Variants in ATP8A2 observed in about 807,000 individuals in gnomAD.
ATP8A2 encodes the protein phospholipid-transporting ATPase IB.
Under a neutral mutation model 165.6 loss-of-function variants are expected in ATP8A2, and 100 were observed. The observed-to-expected ratio is 0.60, with a 90% CI of 0.51 to 0.71. The LOEUF (loss-of-function observed/expected upper bound fraction) is 0.71. Ranked by LOEUF, ATP8A2 falls within the 30% of genes least tolerant of loss-of-function variation. ATP8A2 has a pLI of 0.00. For synonymous variants in ATP8A2, 543 were observed against 548.8 expected, an observed-to-expected ratio of 0.99 and a Z score of 0.15; for missense variants, 1,227 against 1,479.5, an observed-to-expected ratio of 0.83 and a Z score of 2.80.
At chr13:25,518,361 C>T (rs1007785436) in intron 2 of ATP8A2, among the ~76,000 whole-genome samples, 4 of 152,070 alleles carry the variant, frequency 2.6e-5, no homozygotes, top group East Asian at 1.9e-4. Flanking sequence ...CCGGTGGGGA[C>T]GCTTAAAGCC....
intron 13 of ATP8A2, among the ~76,000 whole-genome samples, chr13:25,556,705 A>G (rs1269754766): frequency 6.6e-6 from 1 of 152,060 alleles, no homozygotes; most frequent in Non-Finnish European, 1.5e-5. Flanking sequence ...CATACACCTT[A>G]TTCAAACCCA....
At chr13:25,909,147 A>G (rs1954033154) in intron 33 of ATP8A2, among the ~76,000 whole-genome samples, 1 of 152,184 alleles carries the variant, frequency 6.6e-6, no homozygotes, top group Non-Finnish European at 1.5e-5. Flanking sequence ...TCCAATTAGA[A>G]AGGAACAGTA....
At chr13:25,714,462 C>T (rs1474390518) in intron 25 of ATP8A2, among the ~76,000 whole-genome samples, 1 of 152,214 alleles carries the variant, frequency 6.6e-6, no homozygotes, top group East Asian at 1.9e-4. Context: ...GCATTTACCA[C>T]TACCTGACAT....
intron 24 of ATP8A2, among the ~76,000 whole-genome samples, chr13:25,674,055 C>G (rs1047799776): frequency 5.9e-5 from 9 of 152,184 alleles, no homozygotes; most frequent in African/African-American, 1.9e-4. Context: ...ATGGCTACAT[C>G]CTGCCATAAA....
intron 4 of ATP8A2, among the ~76,000 whole-genome samples, chr13:25,531,289 GAT>G (rs57228429): frequency 0.024 from 1,471 of 61,454 alleles, 37 homozygotes; most frequent in Non-Finnish European, 0.033. Context: ...TGTTATATAT[GAT>G]ATATATGTTA....
At chr13:25,663,090 G>A (rs976385930) in intron 24 of ATP8A2, among the ~76,000 whole-genome samples, 11 of 152,242 alleles carry the variant, frequency 7.2e-5, no homozygotes, top group African/African-American at 2.4e-4. Context: ...GGCTCTGCTT[G>A]GCAGATTTGA....
At chr13:25,460,652 T>C (rs1295091002) in intron 1 of ATP8A2, among the ~76,000 whole-genome samples, 1 of 152,202 alleles carries the variant, frequency 6.6e-6, no homozygotes, top group Non-Finnish European at 1.5e-5. Flanking sequence ...CCAGTGTATA[T>C]TGCTGTACTT....
At chr13:25,590,776 A>G (rs2040050792) in intron 24 of ATP8A2, among the ~76,000 whole-genome samples, 1 of 152,168 alleles carries the variant, frequency 6.6e-6, no homozygotes, top group African/African-American at 2.4e-5. Context: ...AGAGCTTTCT[A>G]TACTTGCAAA....
intron 35 of ATP8A2, among the ~76,000 whole-genome samples, chr13:25,992,684 T>TTTG (rs1555302410): frequency 9.2e-5 from 14 of 152,010 alleles, no homozygotes; most frequent in Middle Eastern, 3.4e-3. Context: ...ATAGTTTTTT[T>TTTG]TTTGTTTGTT....
intron 35 of ATP8A2, among the ~76,000 whole-genome samples, chr13:25,998,783 T>C (rs1467722330): frequency 6.6e-6 from 1 of 152,198 alleles, no homozygotes. Context: ...TTGAACCCTA[T>C]GGTGTCTTCA....
chr13:25,688,881 A>G (rs1429483798), intron 24 of ATP8A2, among the ~76,000 whole-genome samples: 1 of 148,494 alleles, frequency 6.7e-6, no homozygotes, highest in African/African-American at 2.5e-5. Flanking sequence ...TCCTATGGCT[A>G]TGATCTTCAC....
At chr13:25,535,269 G>A (rs1331661761) in intron 6 of ATP8A2, among the ~76,000 whole-genome samples, 1 of 152,190 alleles carries the variant, frequency 6.6e-6, no homozygotes, top group Non-Finnish European at 1.5e-5. Context: ...CTAATCTGAA[G>A]TGCTGAAGCT....
At chr13:25,412,137 A>C (rs544480096) in intron 1 of ATP8A2, among the ~76,000 whole-genome samples, 1 of 152,298 alleles carries the variant, frequency 6.6e-6, no homozygotes, top group South Asian at 2.1e-4. Context: ...AGAGACAGGC[A>C]GGCATCCTCC....
chr13:25,580,736 G>A (rs1047911862), intron 22 of ATP8A2, among the ~76,000 whole-genome samples: 19 of 152,080 alleles, frequency 1.2e-4, no homozygotes, highest in Non-Finnish European at 2.4e-4. Context: ...GTCTTGCTAT[G>A]TTTCCCAGGC....
intron 1 of ATP8A2, among the ~76,000 whole-genome samples, chr13:25,386,265 G>A (rs1239451737): frequency 2.0e-5 from 3 of 152,142 alleles, no homozygotes; most frequent in Admixed American, 6.5e-5. Flanking sequence ...ATCGGTGAGT[G>A]CATGGGAGAA....
intron 24 of ATP8A2, among the ~76,000 whole-genome samples, chr13:25,680,975 T>G (rs2042474968): frequency 2.0e-5 from 3 of 152,208 alleles, no homozygotes; most frequent in Admixed American, 2.0e-4. Context: ...AGAATTCTAA[T>G]TGCAGACAAC....
intron 1 of ATP8A2, among the ~76,000 whole-genome samples, chr13:25,401,501 C>A (rs926339462): frequency 1.2e-4 from 19 of 152,170 alleles, no homozygotes; most frequent in African/African-American, 4.6e-4. Context: ...CAGCCAAAAG[C>A]TTTTTTTCTC....
rs1042316859 is a variant in ATP8A2 at position 26,023,805 on chromosome 13, C to T, written c.*3820C>T. The stretch of plus-strand genomic sequence containing the variant: ...GGTTTGAGTTACTGCCCAGGGTCAT[C>T]GTCTCAAAGTAATTCAAGGAGTGAT... On this transcript the variant is annotated 3_prime_UTR_variant, in exon 37 of 37. Coordinates refer to ENST00000381655, the MANE Select transcript of ATP8A2 (RefSeq NM_016529.6). 4 of 152,124 alleles carry T rather than the reference C, an allele frequency of 2.6e-5. No individual in the cohort carries two copies. Among genetic ancestry groups the T allele is most frequent in the Non-Finnish European group, 4.4e-5 (3 of 68,032 alleles). The allele number at this position is 152,124 out of a possible 1,614,324, so 9.4% of individuals were successfully genotyped here. A position where few individuals can be genotyped will look rare whatever the true frequency, so the allele number is the denominator to read the frequency against.
At chr13:25,435,993 A>ATG (rs1283393306) in intron 1 of ATP8A2, among the ~76,000 whole-genome samples, 1 of 143,324 alleles carries the variant, frequency 7.0e-6, no homozygotes, top group Non-Finnish European at 1.5e-5. Context: ...GAGTGTGTGT[A>ATG]TGTGTGTGTG....
Sources: allele counts gnomAD v4.1 joint callset (sites outside exome capture counted in the v4.1 genomes callset), GRCh38; gene constraint gnomAD v4.1.1; transcripts MANE v1.5; gene names NCBI Gene and HGNC (gene_info 2026-07-23, HGNC 2026-07-21).